Variants in GLDC observed in about 807,000 individuals in gnomAD.
GLDC encodes the protein glycine decarboxylase, also known as glycine dehydrogenase (decarboxylating), mitochondrial.
A neutral mutation model predicts 121.3 loss-of-function variants in GLDC; 104 were observed. The ratio of observed to expected loss-of-function variants is 0.86; its 90% CI spans 0.73 to 1.01. The LOEUF is 1.01. GLDC is among the 50% of genes least tolerant of loss of function. GLDC has a pLI of 0.00. For missense variants in GLDC, 1,429 were observed against 1,306.6 expected, an observed-to-expected ratio of 1.09 and a Z score of -1.44; for synonymous variants, 546 against 480.6, an observed-to-expected ratio of 1.14 and a Z score of -1.78.
intron 15 of GLDC, among the ~76,000 whole-genome samples, chr9:6,577,511 C>T (rs940752917): frequency 6.6e-6 from 1 of 152,196 alleles, no homozygotes; most frequent in East Asian, 1.9e-4. Context: ...AGTTGTTTCA[C>T]AATACGCATG....
chr9:6,609,298 T>C (rs1021263748), intron 4 of GLDC, among the ~76,000 whole-genome samples: 1 of 152,190 alleles, frequency 6.6e-6, no homozygotes, highest in Non-Finnish European at 1.5e-5. Flanking sequence ...GCACATGAAG[T>C]ACTATTAATA....
chr9:6,542,906 AAAAG>A (rs1220258336), intron 21 of GLDC, among the ~76,000 whole-genome samples: 2 of 151,606 alleles, frequency 1.3e-5, no homozygotes, highest in Non-Finnish European at 2.9e-5. Flanking sequence ...AAAAAAAAAA[AAAAG>A]AGGTAGAAAA....
chr9:6,600,409 G>A (rs575274486), intron 8 of GLDC, among the ~76,000 whole-genome samples: 1 of 151,782 alleles, frequency 6.6e-6, no homozygotes, highest in East Asian at 1.9e-4. Context: ...AGGTGCCATG[G>A]CTCACACCTA....
In GLDC at chr9:6,592,982, G is replaced by A. The variant is rs386833521; in HGVS notation, c.1270C>T (p.Arg424Ter). The A allele has an allele frequency of 2.4e-5, 39 of 1,602,858 alleles. No homozygotes were observed. The highest frequency in any genetic ancestry group is 3.2e-5 in the Non-Finnish European group (38 of 1,174,618). Reference sequence around the variant, plus strand: ...TCATGCTGGAGTTGATGCCCTGCTCGCTTGAGACCTACACAAGATAGGAGA... The same window carrying A: ...TCATGCTGGAGTTGATGCCCTGCTCACTTGAGACCTACACAAGATAGGAGA... ...ATLILSEGLK[R>*]AGHQLQHDLF... The change falls in exon 10 of 25, where the codon CGA (arginine) becomes TGA (stop). Residue 424 changes from arginine to a stop codon, truncating the protein, a stop_gained. Coordinates refer to ENST00000321612, the MANE Select transcript of GLDC (RefSeq NM_000170.3). LOFTEE classifies it high-confidence loss of function.
At chr9:6,644,854 G>A (rs990756704) in intron 1 of GLDC, 162 bp from the exon 2 acceptor site, 46 of 668,666 alleles carry the variant, frequency 6.9e-5, no homozygotes, top group African/African-American at 6.1e-4. Context: ...TGATTTGGAG[G>A]AAAGAAAATC....
Position 6,610,210 on chromosome 9 carries a change from G to A in GLDC, c.617C>T (p.Ala206Val). ...LLDEGTAAAE[A>V]LQLCYRHNKR... ...CTCTCACCTGTAGCACAGCTGCAGTGCCTCTGCGGCTGCAGTCCCCTCATC... is the reference window on the plus strand; with the variant it reads ...CTCTCACCTGTAGCACAGCTGCAGTACCTCTGCGGCTGCAGTCCCCTCATC... The change falls in exon 4 of 25, where the codon GCA (alanine) becomes GTA (valine). Residue 206 changes from alanine (A) to valine (V), a missense_variant. Ala to Val is a moderately conservative substitution (Grantham distance 64). Coordinates refer to ENST00000321612, the MANE Select transcript of GLDC (RefSeq NM_000170.3). 6.2e-7 allele frequency: 1 copy of A among 1,612,342 alleles called. No individual in the cohort carries two copies. The highest frequency in any genetic ancestry group is 1.1e-5 in the South Asian group (1 of 90,556).
At chr9:6,553,532 T>C (rs570427789) in intron 19 of GLDC, 23 bp from the exon 20 acceptor site, 4 of 1,612,116 alleles carry the variant, frequency 2.5e-6, no homozygotes, top group South Asian at 1.1e-5. Flanking sequence ...TAAGTGCAAA[T>C]TCAGAAAATG....
At chr9:6,536,483 C>A (rs541140925) in intron 22 of GLDC, among the ~76,000 whole-genome samples, 12 of 152,146 alleles carry the variant, frequency 7.9e-5, no homozygotes, top group South Asian at 2.1e-4. Context: ...AATAGACAAC[C>A]ATTCAAAAGT....
intron 11 of GLDC, among the ~76,000 whole-genome samples, 163 bp from the exon 12 acceptor site, chr9:6,589,455 G>C (rs959293334): frequency 6.6e-6 from 1 of 152,000 alleles, no homozygotes; most frequent in Non-Finnish European, 1.5e-5. Context: ...TTTGGAGGCA[G>C]GGTCTTTCTC....
chr9:6,612,238 T>TTC (rs748149263), intron 3 of GLDC, among the ~76,000 whole-genome samples: 9,152 of 136,128 alleles, frequency 0.067, 374 homozygotes, highest in Non-Finnish European at 0.096. Context: ...CACACACTCT[T>TTC]TCTCTCTCTC....
chr9:6,640,539 T>C (rs1819608672), intron 2 of GLDC, among the ~76,000 whole-genome samples: 1 of 152,226 alleles, frequency 6.6e-6, no homozygotes, highest in Admixed American at 6.5e-5. Context: ...AACCATTTAG[T>C]AGAAATCACT....
chr9:6,630,224 G>T (rs1367842999), intron 2 of GLDC, among the ~76,000 whole-genome samples: 1 of 151,842 alleles, frequency 6.6e-6, no homozygotes, highest in East Asian at 1.9e-4. Context: ...AGCCGAGATC[G>T]TGCCACTGCA....
At chr9:6,562,576 T>A (rs896665451) in intron 16 of GLDC, among the ~76,000 whole-genome samples, 1 of 152,150 alleles carries the variant, frequency 6.6e-6, no homozygotes, top group Non-Finnish European at 1.5e-5. Context: ...AAATTTTTTT[T>A]TGAGAGGGAG....
chr9:6,558,467 A>G, intron 17 of GLDC, 92 bp downstream of exon 17: 1 of 1,417,512 alleles, frequency 7.1e-7, no homozygotes, highest in South Asian at 1.1e-5. Flanking sequence ...TTAGAATGCA[A>G]GAGAAGACAT....
intron 16 of GLDC, among the ~76,000 whole-genome samples, chr9:6,560,147 A>G (rs1020369866): frequency 6.6e-6 from 1 of 152,220 alleles, no homozygotes; most frequent in African/African-American, 2.4e-5. Context: ...CCCAGTGGGA[A>G]AGTAAGTCAG....
chr9:6,629,958 T>TATGTATACATA, intron 2 of GLDC, among the ~76,000 whole-genome samples: 1 of 78,680 alleles, frequency 1.3e-5, no homozygotes, highest in African/African-American at 6.1e-5. Flanking sequence ...TATATATATA[T>TATGTATACATA]TTTTTTTTTT....
chr9:6,556,563 C>T (rs1016690495), intron 17 of GLDC, among the ~76,000 whole-genome samples: 4 of 152,114 alleles, frequency 2.6e-5, no homozygotes, highest in South Asian at 2.1e-4. Flanking sequence ...GAGGCCGAGG[C>T]GGGCAGATCA....
At chr9:6,608,866 G>A (rs1488106319) in intron 4 of GLDC, among the ~76,000 whole-genome samples, 1 of 152,172 alleles carries the variant, frequency 6.6e-6, no homozygotes. Flanking sequence ...CCAGAGAGGT[G>A]GGTGGATGGC....
rs1818696548 is a variant in GLDC, at chr9:6,604,793, G to C, written c.862-9C>G. The C allele has an allele frequency of 6.2e-7, 1 of 1,611,278 alleles. No homozygotes were observed. Among genetic ancestry groups the C allele is most frequent in the Non-Finnish European group, 8.5e-7 (1 of 1,177,420 alleles). Reference sequence around the variant, plus strand: ...GCACAGCAGGCCAGGCTCTAGAAAGGAAGTGAGAGAAAAGGAACAAGGTTG... The same window carrying C: ...GCACAGCAGGCCAGGCTCTAGAAAGCAAGTGAGAGAAAAGGAACAAGGTTG... On this transcript the variant is annotated splice_polypyrimidine_tract_variant and intron_variant, in intron 6 of 24. Coordinates refer to ENST00000321612, the MANE Select transcript of GLDC (RefSeq NM_000170.3).
Sources: gnomAD v4.1 joint callset for allele counts (sites outside exome capture counted in the v4.1 genomes callset) on GRCh38, gnomAD v4.1.1 for gene constraint, MANE v1.5 for transcripts, NCBI Gene and HGNC (gene_info 2026-07-23, HGNC 2026-07-21) for gene names.